Variants in MTUS2 observed in about 807,000 individuals in gnomAD.
MTUS2 encodes the protein microtubule associated scaffold protein 2, also known as microtubule-associated tumor suppressor candidate 2.
MTUS2 carries 40 observed loss-of-function variants against 114.1 expected under a neutral mutation model. The ratio of observed to expected loss-of-function variants is 0.35; its 90% CI spans 0.27 to 0.46. The LOEUF (loss-of-function observed/expected upper bound fraction) is 0.46, where lower values mean the gene tolerates loss of function less well. MTUS2 is among the 20% of genes least tolerant of loss of function. The probability of loss-of-function intolerance (pLI) is 1.00; values close to 1 mark genes in which losing one functional copy is unlikely to be tolerated. For missense variants in MTUS2, 1,679 were observed against 1,705.4 expected (o/e 0.98, Z 0.27); for synonymous variants, 688 against 672.0 (o/e 1.02, Z -0.37).
chr13:28,863,729 A>G (rs1257141131), intron 2 of MTUS2, among the ~76,000 whole-genome samples: 1 of 152,154 alleles, frequency 6.6e-6, no homozygotes, highest in Non-Finnish European at 1.5e-5. Flanking sequence ...ATAGGATCTC[A>G]CTCTGTCACC....
rs1466064644 is a variant in MTUS2, at chr13:29,436,438, A to G, written c.3118-3545A>G. On this transcript the variant is annotated intron_variant, in intron 8 of 15. Coordinates refer to ENST00000612955, the MANE Select transcript of MTUS2 (RefSeq NM_001033602.4). ...AGTAAATGACATAAAGGGCTTACCT[A>G]ACATTGTGCCTGGACTACAGAGAGT... Among the ~76,000 whole-genome samples, 4 of 152,352 alleles carry G rather than the reference A, an allele frequency of 2.6e-5. No homozygotes were observed. In the East Asian group the frequency reaches 7.7e-4, roughly 29 times the overall value.
chr13:29,404,820 T>C (rs1156328949), intron 8 of MTUS2, among the ~76,000 whole-genome samples: 1 of 152,186 alleles, frequency 6.6e-6, no homozygotes, highest in Non-Finnish European at 1.5e-5. Flanking sequence ...AGAAAGAAGA[T>C]AGGCTCTAAG....
At chr13:28,914,090 G>T (rs536611609) in intron 2 of MTUS2, among the ~76,000 whole-genome samples, 53 of 151,630 alleles carry the variant, frequency 3.5e-4, no homozygotes, top group African/African-American at 1.0e-3. Flanking sequence ...AGGGTTTTTT[G>T]TGTGTGTGTC....
intron 2 of MTUS2, among the ~76,000 whole-genome samples, chr13:28,840,428 A>G (rs1875395717): frequency 1.3e-5 from 2 of 152,230 alleles, no homozygotes. Flanking sequence ...CTTTGTGCAA[A>G]TTAGACAAAG....
intron 5 of MTUS2, among the ~76,000 whole-genome samples, chr13:29,265,791 G>A (rs940663213): frequency 6.6e-6 from 1 of 152,182 alleles, no homozygotes; most frequent in Non-Finnish European, 1.5e-5. Context: ...CCAAGGAGAT[G>A]GGTTAAGCCA....
chr13:28,909,681 C>T (rs1880280260), intron 2 of MTUS2, among the ~76,000 whole-genome samples: 1 of 152,036 alleles, frequency 6.6e-6, no homozygotes, highest in Non-Finnish European at 1.5e-5. Context: ...CTGGCCAGGG[C>T]AATCAGGCAG....
chr13:29,479,761 T>C (rs1881008661), intron 9 of MTUS2, among the ~76,000 whole-genome samples: 2 of 152,190 alleles, frequency 1.3e-5, no homozygotes, highest in South Asian at 4.1e-4. Context: ...TGGGCTCTGA[T>C]TCACCCAGGG....
At chr13:28,995,437 A>C (rs990471278) in intron 2 of MTUS2, among the ~76,000 whole-genome samples, 3 of 152,164 alleles carry the variant, frequency 2.0e-5, no homozygotes, top group African/African-American at 7.2e-5. Context: ...TTCTGTGAAG[A>C]AAGTCATTGG....
At chr13:29,323,396 C>T (rs1366985063) in intron 6 of MTUS2, among the ~76,000 whole-genome samples, 1 of 151,736 alleles carries the variant, frequency 6.6e-6, no homozygotes, top group Non-Finnish European at 1.5e-5. Flanking sequence ...ACTACAGGTG[C>T]CCACCACCAT....
At chr13:28,844,581 T>TTGTGTGTGTG (rs1364137182) in intron 2 of MTUS2, among the ~76,000 whole-genome samples, 4 of 61,054 alleles carry the variant, frequency 6.6e-5, no homozygotes, top group Non-Finnish European at 1.9e-4. Flanking sequence ...TCTGCAGCAT[T>TTGTGTGTGTG]TGTGTGTGAG....
intron 5 of MTUS2, among the ~76,000 whole-genome samples, chr13:29,186,638 A>G (rs1566054708): frequency 6.6e-6 from 1 of 152,244 alleles, no homozygotes; most frequent in Non-Finnish European, 1.5e-5. Flanking sequence ...AAAAATTGTC[A>G]TAATTGAAGG....
At chr13:29,304,310 A>G (rs1308444348) in intron 6 of MTUS2, among the ~76,000 whole-genome samples, 2 of 152,182 alleles carry the variant, frequency 1.3e-5, no homozygotes, top group Non-Finnish European at 2.9e-5. Flanking sequence ...AAATGTAAAC[A>G]TGCTAACTGC....
intron 2 of MTUS2, among the ~76,000 whole-genome samples, chr13:28,966,772 G>C (rs1480428788): frequency 7.2e-6 from 1 of 139,142 alleles, no homozygotes; most frequent in Non-Finnish European, 1.6e-5. Flanking sequence ...ATTATTTTTT[G>C]AACATTTCTC....
At position 29,183,204 on chromosome 13, in the gene MTUS2, C is replaced by T. The variant is rs561361026; in HGVS notation, c.2644+82234C>T. The stretch of plus-strand genomic sequence containing the variant: ...GTAAGGAGCAGCCAAGTTCTGGCTA[C>T]ACTTTGGAGTCAGTGCCAACAGGAT... On this transcript the variant is annotated intron_variant, in intron 5 of 15. Transcript: ENST00000612955. Among the ~76,000 whole-genome samples the T allele has an allele frequency of 1.4e-4, 21 of 152,222 alleles. No individual in the cohort carries two copies. The South Asian group carries it at 4.2e-3, about 30-fold the overall frequency.
intron 2 of MTUS2, among the ~76,000 whole-genome samples, chr13:28,888,190 G>T (rs1176190320): frequency 3.2e-4 from 48 of 152,284 alleles, no homozygotes; most frequent in Non-Finnish European, 1.0e-4. Flanking sequence ...GTTCTTAATG[G>T]ATTGAATGCT....
intron 2 of MTUS2, among the ~76,000 whole-genome samples, chr13:29,003,250 A>G (rs9314926): frequency 0.022 from 3,362 of 152,086 alleles, 50 homozygotes; most frequent in East Asian, 0.052. Context: ...TCATGAAGCA[A>G]CTCTGAGTAA....
Position 29,241,182 on chromosome 13 carries a change from A to G in MTUS2, c.2645-40522A>G, listed in dbSNP as rs1593209718. On this transcript the variant is annotated intron_variant, in intron 5 of 15. Coordinates refer to ENST00000612955, the MANE Select transcript of MTUS2 (RefSeq NM_001033602.4). ...CCCTGGGTTACAGGGCTTAGAGGTTATTTCTAGCTCTGAGCCTAGTTTTCT... is the reference window on the plus strand; with the variant it reads ...CCCTGGGTTACAGGGCTTAGAGGTTGTTTCTAGCTCTGAGCCTAGTTTTCT... Among the ~76,000 whole-genome samples the G allele has an allele frequency of 2.6e-5, 4 of 152,182 alleles. No individual in the cohort carries two copies. The South Asian group carries it at 8.3e-4, about 31-fold the overall frequency.
intron 8 of MTUS2, among the ~76,000 whole-genome samples, chr13:29,379,364 C>T (rs1297146847): frequency 1.3e-5 from 2 of 152,104 alleles, no homozygotes; most frequent in Non-Finnish European, 2.9e-5. Context: ...ATCCTCATGC[C>T]TGGAGAAGGG....
chr13:29,324,255 C>T (rs1043990278), intron 6 of MTUS2, among the ~76,000 whole-genome samples: 1 of 152,174 alleles, frequency 6.6e-6, no homozygotes, highest in Admixed American at 6.5e-5. Flanking sequence ...TTTGTTATGG[C>T]AGAGAGAGGC....
Sources: gnomAD v4.1 joint callset for allele counts (sites outside exome capture counted in the v4.1 genomes callset) on GRCh38, gnomAD v4.1.1 for gene constraint, MANE v1.5 for transcripts, NCBI Gene and HGNC (gene_info 2026-07-23, HGNC 2026-07-21) for gene names.